ZBED6: variants seen among roughly 807,000 people sequenced by gnomAD.
ZBED6 encodes zinc finger BED-type containing 6.
A neutral mutation model predicts 58.4 loss-of-function variants in ZBED6; 40 were observed. The observed-to-expected ratio is 0.68, with a 90% confidence interval of 0.53 to 0.89. The LOEUF (loss-of-function observed/expected upper bound fraction) is 0.89. ZBED6 is among the 40% of genes least tolerant of loss of function. ZBED6 has a pLI of 0.00. For synonymous variants in ZBED6, 439 were observed against 350.6 expected (o/e 1.25, Z -2.82); for missense variants, 1,057 against 1,003.9 (o/e 1.05, Z -0.71).
chr1:203,816,520 T>C (rs1234947236), intron 1 of ZBED6, among the ~76,000 whole-genome samples: 1 of 152,056 alleles, frequency 6.6e-6, no homozygotes, highest in Non-Finnish European at 1.5e-5. Flanking sequence ...TCCTGGATAC[T>C]TGGGGGAGGC....
chr1:203,829,235 C>T (rs1681493512), intron 4 of ZBED6: 1 of 584,170 alleles, frequency 1.7e-6, no homozygotes, highest in Non-Finnish European at 3.0e-6. Flanking sequence ...GTTTTGAGTG[C>T]CCACTTTGTG....
At chr1:203,850,457 T>C in intron 14 of ZBED6, 58 bp from the exon 15 acceptor site, 1 of 1,587,146 alleles carries the variant, frequency 6.3e-7, no homozygotes. Flanking sequence ...TTCTGAATTA[T>C]TCCCCATTTA....
intron 7 of ZBED6, among the ~76,000 whole-genome samples, chr1:203,831,100 A>G (rs1300868802): frequency 6.6e-6 from 1 of 151,484 alleles, no homozygotes; most frequent in Non-Finnish European, 1.5e-5. Context: ...ATGCGCCACC[A>G]CGCCTGGGTA....
chr1:203,838,010 C>G, exon 10 of ZBED6: 1 of 1,614,126 alleles, frequency 6.2e-7, no homozygotes. Context: ...GGCACAGAGG[C>G]TAGGGAAGAA....
intron 3 of ZBED6, among the ~76,000 whole-genome samples, chr1:203,824,182 C>T (rs1316981172): frequency 6.6e-6 from 1 of 150,916 alleles, no homozygotes; most frequent in African/African-American, 2.4e-5. Flanking sequence ...GCAGGAGAAT[C>T]GCTTGAACCT....
At chr1:203,798,225 TCAG>T (rs778888703) in exon 1 of ZBED6, 1 of 1,536,138 alleles carries the variant, frequency 6.5e-7, no homozygotes, top group South Asian at 1.2e-5. Context: ...GCATGATAAA[TCAG>T]CATCTGATGC....
chr1:203,805,646 A>C (rs11810904), intron 1 of ZBED6: 1 of 703,294 alleles, frequency 1.4e-6, no homozygotes, highest in Non-Finnish European at 2.6e-6. Flanking sequence ...TGGCAATCCA[A>C]ATTCATCCAC....
chr1:203,818,257 T>A (rs1677036438), intron 2 of ZBED6, among the ~76,000 whole-genome samples: 1 of 149,854 alleles, frequency 6.7e-6, no homozygotes, highest in East Asian at 1.9e-4. Flanking sequence ...CAAGGCGAGA[T>A]GTCAGTTTTG....
exon 1 of ZBED6, chr1:203,798,267 A>C (rs1227216945): frequency 6.5e-7 from 1 of 1,536,046 alleles, no homozygotes; most frequent in African/African-American, 1.4e-5. Flanking sequence ...GAGATTTCTC[A>C]TCAAAAGTAA....
At chr1:203,851,120 G>C in exon 16 of ZBED6, 1 of 1,614,130 alleles carries the variant, frequency 6.2e-7, no homozygotes, top group Non-Finnish European at 8.5e-7. Context: ...AAATCCTAGA[G>C]ACAGGTAATA....
exon 8 of ZBED6, chr1:203,831,662 G>A (rs1682426195): frequency 1.9e-6 from 3 of 1,610,892 alleles, no homozygotes; most frequent in South Asian, 2.2e-5. Context: ...CTTATTCAGA[G>A]GGTTCTTCAG....
At chr1:203,798,867 G>C (rs1300483553) in exon 1 of ZBED6, 1 of 1,536,138 alleles carries the variant, frequency 6.5e-7, no homozygotes, top group South Asian at 1.2e-5. Flanking sequence ...GTTGCCATCA[G>C]AGACTTACTT....
chr1:203,819,292 G>A (rs949950130), intron 3 of ZBED6, among the ~76,000 whole-genome samples: 3 of 145,888 alleles, frequency 2.1e-5, no homozygotes, highest in African/African-American at 7.6e-5. Flanking sequence ...CGCAATCTCT[G>A]CTTACTGCAA....
At chr1:203,833,839 G>A (rs770119123) in exon 9 of ZBED6, 9 of 1,610,072 alleles carry the variant, frequency 5.6e-6, no homozygotes, top group South Asian at 5.5e-5. Flanking sequence ...CTGGGGAAAC[G>A]AAAATTTTCA....
chr1:203,800,274 A>G (rs1008931524), exon 1 of ZBED6: 16 of 1,026,188 alleles, frequency 1.6e-5, no homozygotes, highest in Non-Finnish European at 2.3e-5. Flanking sequence ...ATCTGAATGT[A>G]TCTTTACTAA....
intron 9 of ZBED6, among the ~76,000 whole-genome samples, chr1:203,836,977 A>G (rs1684546599): frequency 1.3e-5 from 2 of 152,170 alleles, no homozygotes; most frequent in African/African-American, 2.4e-5. Context: ...CTCATCCTGT[A>G]TGCATTTACT....
chr1:203,826,363 AAAT>A lies in ZBED6; in HGVS notation c.*2874-1934_*2874-1932del, dbSNP rs1297633858. Among the ~76,000 whole-genome samples, 12 of 149,628 alleles carry A rather than the reference AAAT, an allele frequency of 8.0e-5. No individual in the cohort carries two copies. In the South Asian group the frequency reaches 1.5e-3, roughly 18 times the overall value. ...ATCAATAATATTAAAATTAATAAAT[AAAT>A]ATTGATTAATAATAATTAATTCTTT... On this transcript the variant is annotated intron_variant, in intron 3 of 16. Transcript: ENST00000550078.
chr1:203,834,231 A>G (rs1024371695), intron 9 of ZBED6: 22 of 293,798 alleles, frequency 7.5e-5, no homozygotes, highest in Non-Finnish European at 3.0e-5. Flanking sequence ...GAAAGTATGT[A>G]TATATAAAAT....
At chr1:203,814,018 C>T (rs998750465) in intron 1 of ZBED6, among the ~76,000 whole-genome samples, 1 of 150,744 alleles carries the variant, frequency 6.6e-6, no homozygotes, top group African/African-American at 2.4e-5. Flanking sequence ...TCTAAATTTT[C>T]AAGTTCAGAT....
Sources: allele counts gnomAD v4.1 joint callset (sites outside exome capture counted in the v4.1 genomes callset), GRCh38; gene constraint gnomAD v4.1.1; transcripts MANE v1.5; gene names NCBI Gene and HGNC (gene_info 2026-07-23, HGNC 2026-07-21).